The following CASP8 variants were observed in gnomAD, a reference collection of about 807,000 sequenced individuals.
The protein encoded by CASP8 is caspase-8.
In CASP8, 24 loss-of-function variants were observed where a neutral mutation model predicts 46.3. The ratio of observed to expected loss-of-function variants is 0.52; its 90% confidence interval spans 0.38 to 0.73. The LOEUF is 0.73. CASP8 is among the 30% of genes least tolerant of loss of function. CASP8 has a pLI of 0.00. For synonymous variants in CASP8, 188 were observed against 200.4 expected, an observed-to-expected ratio of 0.94 and a Z score of 0.52; for missense variants, 460 against 559.0, an observed-to-expected ratio of 0.82 and a Z score of 1.79.
At position 201,286,751 on chromosome 2, in the gene CASP8, G is replaced by C. The variant is rs1949582560; in HGVS notation, c.*157G>C. 1.7e-6 allele frequency: 1 copy of C among 600,710 alleles called. No homozygotes were observed. The highest frequency in any genetic ancestry group is 3.0e-6 in the Non-Finnish European group (1 of 335,944). 37.2% of individuals were successfully genotyped at this position (600,710 alleles called of 1,614,324 possible). A position where few individuals can be genotyped will look rare whatever the true frequency, so the allele number is the denominator to read the frequency against. ...CTGCCTCAGCCTCCCGAGTAGCTGG[G>C]ACTACAGGGGCCCGCCACCACACCT... On this transcript the variant is annotated 3_prime_UTR_variant, in exon 9 of 9. Coordinates refer to ENST00000673742, the MANE Select transcript of CASP8 (RefSeq NM_001372051.1).
chr2:201,236,513 T>A (rs2124845093), intron 2 of CASP8, among the ~76,000 whole-genome samples: 1 of 152,306 alleles, frequency 6.6e-6, no homozygotes, highest in African/African-American at 2.4e-5. Context: ...ATTGCCAGAG[T>A]GAATTCCACA....
At position 201,286,778 on chromosome 2, in the gene CASP8, G is replaced by C. The variant is rs1949584141; in HGVS notation, c.*184G>C. On this transcript the variant is annotated 3_prime_UTR_variant, in exon 9 of 9. Coordinates refer to ENST00000673742, the MANE Select transcript of CASP8 (RefSeq NM_001372051.1). ...CTACAGGGGCCCGCCACCACACCTG[G>C]CTAATTTTTTAAAAATATTTTTAGT... 1 of 512,894 alleles carries C rather than the reference G, an allele frequency of 1.9e-6. No homozygotes were observed. Among genetic ancestry groups the C allele is most frequent in the African/African-American group, 1.9e-5 (1 of 51,296 alleles). The allele number at this position is 512,894 out of a possible 1,614,324, so 31.8% of individuals were successfully genotyped here.
chr2:201,275,471 A>C (rs1948575555), intron 6 of CASP8, among the ~76,000 whole-genome samples: 2 of 152,322 alleles, frequency 1.3e-5, no homozygotes, highest in South Asian at 4.1e-4. Context: ...GTAATCAACA[A>C]TCCACCAAAT....
At chr2:201,257,830 C>A, upstream of CASP8, 1 of 291,832 alleles carries the variant, frequency 3.4e-6, no homozygotes, top group East Asian at 9.9e-5. Flanking sequence ...ATTCCCAGAC[C>A]CTTTGCAAGA....
chr2:201,247,713 C>T (rs1364632058), intron 2 of CASP8, among the ~76,000 whole-genome samples: 2 of 151,834 alleles, frequency 1.3e-5, no homozygotes, highest in Admixed American at 6.6e-5. Flanking sequence ...GGTGCGATCT[C>T]GGCTCACTGC....
At chr2:201,239,755 A>G (rs934051344) in intron 2 of CASP8, among the ~76,000 whole-genome samples, 8 of 152,138 alleles carry the variant, frequency 5.3e-5, no homozygotes, top group Admixed American at 3.3e-4. Flanking sequence ...GTGGCGGGCA[A>G]TCCTTACCCG....
chr2:201,247,767 C>T (rs1337442088), intron 2 of CASP8, among the ~76,000 whole-genome samples: 1 of 152,278 alleles, frequency 6.6e-6, no homozygotes, highest in East Asian at 1.9e-4. Flanking sequence ...GCCTCAGCCT[C>T]CCGAGTAGCT....
intron 2 of CASP8, among the ~76,000 whole-genome samples, chr2:201,267,271 C>G (rs991606767): frequency 6.6e-6 from 1 of 152,098 alleles, no homozygotes; most frequent in Non-Finnish European, 1.5e-5. Context: ...CTTTGCCCAT[C>G]CATTGAGTAA....
At chr2:201,263,455 A>G (rs1576291320) in intron 1 of CASP8, among the ~76,000 whole-genome samples, 1 of 152,244 alleles carries the variant, frequency 6.6e-6, no homozygotes, top group Non-Finnish European at 1.5e-5. Context: ...ATCCACTTAT[A>G]CTACAGAAAT....
upstream of CASP8, among the ~76,000 whole-genome samples, chr2:201,256,198 G>A (rs1205849159): frequency 6.6e-6 from 1 of 152,226 alleles, no homozygotes; most frequent in African/African-American, 2.4e-5. Flanking sequence ...AGTTAATTCT[G>A]AGGTGGGTCA....
chr2:201,270,634 A>G (rs1300095935), intron 2 of CASP8, among the ~76,000 whole-genome samples: 1 of 152,102 alleles, frequency 6.6e-6, no homozygotes, highest in Non-Finnish European at 1.5e-5. Flanking sequence ...GGCTCAAGTG[A>G]TCCTCTCACC....
chr2:201,272,830 T>G lies in CASP8; in HGVS notation c.550+54T>G. On this transcript the variant is annotated intron_variant, in intron 4 of 8. Transcript: ENST00000673742. The surrounding 1 kb of genome is among the most constrained non-coding windows in gnomAD (Gnocchi z 4.4). ...GCAAAACCTACTCTAAAATTGAAAC[T>G]GACAAATCGCTCCATATCACAGTTG... 6.2e-7 allele frequency: 1 copy of G among 1,613,960 alleles called. No homozygotes were observed.
intron 2 of CASP8, among the ~76,000 whole-genome samples, chr2:201,235,226 A>G (rs1284834515): frequency 6.6e-6 from 1 of 152,204 alleles, no homozygotes; most frequent in East Asian, 1.9e-4. Context: ...TGATATTAGT[A>G]TAATGATATC....
intron 7 of CASP8, among the ~76,000 whole-genome samples, chr2:201,280,932 C>T (rs931017400): frequency 2.0e-5 from 3 of 151,912 alleles, no homozygotes; most frequent in African/African-American, 2.4e-5. Context: ...AAAAATAATA[C>T]AATTACAAGT....
In CASP8 at chr2:201,272,985, A is replaced by T. The variant is rs377147737; in HGVS notation, c.595+43A>T. ...ATTTTCAAGATTTAGTTAATTTACT[A>T]TCTGGTACCTGCATGTGTCCTCCCC... On this transcript the variant is annotated intron_variant, in intron 5 of 8. Transcript: ENST00000673742. This position sits in a 1 kb window ranked among gnomAD's most constrained non-coding sequence, Gnocchi z 4.4. The T allele has an allele frequency of 2.6e-6, 4 of 1,535,614 alleles. No individual in the cohort carries two copies. Among genetic ancestry groups the T allele is most frequent in the Middle Eastern group, 2.0e-4 (1 of 5,020 alleles).
intron 2 of CASP8, chr2:201,241,912 A>C (rs990533099): frequency 6.6e-6 from 1 of 152,242 alleles, no homozygotes; most frequent in African/African-American, 2.4e-5. Flanking sequence ...AAAATAAATC[A>C]GTGCGAAATG....
intron 2 of CASP8, among the ~76,000 whole-genome samples, chr2:201,237,513 G>A (rs1265789438): frequency 6.6e-6 from 1 of 151,762 alleles, no homozygotes; most frequent in Non-Finnish European, 1.5e-5. Flanking sequence ...AGGTCTCGGA[G>A]GAAAAATAGA....
intron 2 of CASP8, among the ~76,000 whole-genome samples, chr2:201,268,909 T>TTGTGTGTG (rs58087434): frequency 0.012 from 1,603 of 131,616 alleles, 17 homozygotes; most frequent in Admixed American, 0.017. Context: ...GGCCTCATCT[T>TTGTGTGTG]TGTGTGTGTG....
chr2:201,255,996 G>A (rs1022323697), upstream of CASP8, among the ~76,000 whole-genome samples: 2 of 152,162 alleles, frequency 1.3e-5, no homozygotes, highest in African/African-American at 2.4e-5. Context: ...GGGCTCAAGC[G>A]ATCATCCTGC....
Sources: allele counts gnomAD v4.1 joint callset (sites outside exome capture counted in the v4.1 genomes callset), GRCh38; gene constraint gnomAD v4.1.1; non-coding constraint Gnocchi (gnomAD v3.1); transcripts MANE v1.5; gene names NCBI Gene and HGNC (gene_info 2026-07-23, HGNC 2026-07-21).